The following SLC9A5 variants were observed in gnomAD, a reference collection of about 807,000 sequenced individuals.
SLC9A5 encodes the protein sodium/hydrogen exchanger 5.
A neutral mutation model predicts 91.7 loss-of-function variants in SLC9A5; 52 were observed. The observed-to-expected ratio is 0.57, with a 90% CI of 0.45 to 0.71. The LOEUF (loss-of-function observed/expected upper bound fraction) is 0.71, where lower values mean the gene tolerates loss of function less well. Among genes scored for constraint, SLC9A5 ranks in the 30% least tolerant of loss-of-function variants. The pLI is 0.00. For missense variants in SLC9A5, 871 were observed against 1,158.9 expected (o/e 0.75, Z 3.61); for synonymous variants, 419 against 474.5 (o/e 0.88, Z 1.52).
intron 12 of SLC9A5, among the ~76,000 whole-genome samples, chr16:67,260,377 A>AAAAAAAAAAAAAAAAC (rs2035492398): frequency 6.7e-6 from 1 of 150,158 alleles, no homozygotes; most frequent in African/African-American, 2.5e-5. Flanking sequence ...AAAAAAAAAA[A>AAAAAAAAAAAAAAAAC]GAGTGTGGGT....
At chr16:67,261,204 A>G (rs2035519622) in intron 12 of SLC9A5, 1 of 151,920 alleles carries the variant, frequency 6.6e-6, no homozygotes, top group African/African-American at 2.4e-5. Context: ...AGAACTTGCT[A>G]TTTCTCTTCC....
At chr16:67,269,902 G>A (rs1332217420) in intron 15 of SLC9A5, among the ~76,000 whole-genome samples, 2 of 152,156 alleles carry the variant, frequency 1.3e-5, no homozygotes, top group Admixed American at 1.3e-4. Flanking sequence ...CCCCTTTGCG[G>A]CAAAGCTCTG....
intron 15 of SLC9A5, among the ~76,000 whole-genome samples, chr16:67,266,469 T>G (rs375838430): frequency 2.6e-4 from 39 of 152,216 alleles, no homozygotes; most frequent in Admixed American, 2.0e-3. Flanking sequence ...CAGCATCACA[T>G]AGTAGAACCA....
chr16:67,265,718 T>C (rs1362564116), intron 14 of SLC9A5, among the ~76,000 whole-genome samples: 1 of 152,218 alleles, frequency 6.6e-6, no homozygotes, highest in Non-Finnish European at 1.5e-5. Flanking sequence ...CCACCGCACC[T>C]GGCTGCAAAG....
In SLC9A5 at chr16:67,270,695, C is replaced by A. The variant is rs769818688; in HGVS notation, c.2219-43C>A. On this transcript the variant is annotated intron_variant, in intron 15 of 15. Coordinates refer to ENST00000299798, the MANE Select transcript of SLC9A5 (RefSeq NM_004594.3). The surrounding 1 kb of genome is among the most constrained non-coding windows in gnomAD (Gnocchi z 4.3). Reference sequence around the variant, plus strand: ...AAGAATGTGCTTATACTTGAGATTTCCACTGTATTGGTAATGAGTTCATGT... The same window carrying A: ...AAGAATGTGCTTATACTTGAGATTTACACTGTATTGGTAATGAGTTCATGT... The A allele has an allele frequency of 7.6e-7, 1 of 1,316,848 alleles. No homozygotes were observed. The highest frequency in any genetic ancestry group is 1.4e-5 in the South Asian group (1 of 69,098). The allele number at this position is 1,316,848 out of a possible 1,614,324, so 81.6% of individuals were successfully genotyped here. A position where few individuals can be genotyped will look rare whatever the true frequency, so the allele number is the denominator to read the frequency against.
rs1015630992 is a variant in SLC9A5 at position 67,256,368 on chromosome 16, C to T, written c.912-101C>T. 2.0e-5 allele frequency: 16 copies of T among 798,684 alleles called. No individual in the cohort carries two copies. Among genetic ancestry groups the T allele is most frequent in the Non-Finnish European group, 3.2e-5 (15 of 473,838 alleles). The allele number at this position is 798,684 out of a possible 1,614,324, so 49.5% of individuals were successfully genotyped here. On this transcript the variant is annotated intron_variant, in intron 5 of 15. Transcript: ENST00000299798. This position sits in a 1 kb window ranked among gnomAD's most constrained non-coding sequence, Gnocchi z 4.1. Reference sequence around the variant, plus strand: ...GGCTTCAGCTCTGAGAGTCTGACATCCTGTAATGGGCAATGCCCCCTCCTG... The same window carrying T: ...GGCTTCAGCTCTGAGAGTCTGACATTCTGTAATGGGCAATGCCCCCTCCTG...
chr16:67,271,046 C>T lies in SLC9A5; in HGVS notation c.2527C>T (p.Pro843Ser). The change falls in exon 16 of 16, where the codon CCG (proline) becomes TCG (serine). Residue 843 changes from proline (P) to serine (S), a missense_variant. Coordinates refer to ENST00000299798, the MANE Select transcript of SLC9A5 (RefSeq NM_004594.3). ...TCCACGCTCTAGCTTCGCCTTCCCA[C>T]CGAGCCTGGCCAAGGCTGGCCGCTC... ...SDPRSSFAFP[P>S]SLAKAGRSRS... 1 of 1,612,316 alleles carries T rather than the reference C, an allele frequency of 6.2e-7. No homozygotes were observed. The highest frequency in any genetic ancestry group is 8.5e-7 in the Non-Finnish European group (1 of 1,178,710).
chr16:67,269,362 G>A (rs2035845066), intron 15 of SLC9A5, among the ~76,000 whole-genome samples: 1 of 152,132 alleles, frequency 6.6e-6, no homozygotes, highest in African/African-American at 2.4e-5. Context: ...AACCTGAGAG[G>A]TGGAGACTGC....
rs1450904255 is a variant in SLC9A5, at chr16:67,257,294, GC to G, written c.1336-50del. On this transcript the variant is annotated intron_variant, in intron 7 of 15. Coordinates refer to ENST00000299798, the MANE Select transcript of SLC9A5 (RefSeq NM_004594.3). The surrounding 1 kb of genome is among the most constrained non-coding windows in gnomAD (Gnocchi z 5.1). The stretch of plus-strand genomic sequence containing the variant: ...GCCTCATTACGGGGAGAGAAAGGCA[GC>G]AGGGAACTGAATAGGAATAGGGCAG... The G allele has an allele frequency of 1.3e-6, 2 of 1,508,516 alleles. No homozygotes were observed. The highest frequency in any genetic ancestry group is 1.8e-6 in the Non-Finnish European group (2 of 1,084,626). 93.4% of individuals were successfully genotyped at this position (1,508,516 alleles called of 1,614,324 possible). A position where few individuals can be genotyped will look rare whatever the true frequency, so the allele number is the denominator to read the frequency against.
At chr16:67,267,964 C>G (rs564747232) in intron 15 of SLC9A5, among the ~76,000 whole-genome samples, 1 of 152,244 alleles carries the variant, frequency 6.6e-6, no homozygotes, top group Non-Finnish European at 1.5e-5. Context: ...TCTCAAATAT[C>G]ATATCACTTT....
intron 13 of SLC9A5, 144 bp downstream of exon 13, chr16:67,264,666 C>A: frequency 1.3e-6 from 1 of 782,854 alleles, no homozygotes; most frequent in Non-Finnish European, 2.1e-6. Flanking sequence ...GTTTGGGTTC[C>A]CTTTTAGATG....
At position 67,255,989 on chromosome 16, in the gene SLC9A5, C is replaced by A; in HGVS notation, c.911+59C>A. On this transcript the variant is annotated intron_variant, in intron 5 of 15. Coordinates refer to ENST00000299798, the MANE Select transcript of SLC9A5 (RefSeq NM_004594.3). The surrounding 1 kb of genome is among the most constrained non-coding windows in gnomAD (Gnocchi z 4.9). Reference sequence around the variant, plus strand: ...GGAGGGGGCACTGGAGATGGTTGCCCCTCATAGGGACACAGGCAGGAACTT... The same window carrying A: ...GGAGGGGGCACTGGAGATGGTTGCCACTCATAGGGACACAGGCAGGAACTT... 6.4e-7 allele frequency: 1 copy of A among 1,561,264 alleles called. No homozygotes were observed. The highest frequency in any genetic ancestry group is 8.7e-7 in the Non-Finnish European group (1 of 1,146,328).
At position 67,257,371 on chromosome 16, in the gene SLC9A5, A is replaced by G. The variant is rs1383945104; in HGVS notation, c.1362A>G (p.Lys454=). The change falls in exon 8 of 16, where the codon AAA becomes AAG. Residue 454 remains lysine (K), a synonymous_variant. Coordinates refer to ENST00000299798, the MANE Select transcript of SLC9A5 (RefSeq NM_004594.3). This position sits in a 1 kb window ranked among gnomAD's most constrained non-coding sequence, Gnocchi z 5.1. ...VQGLTIKPLV[K]WLKVKRSEHH... ...GCTTGACCATCAAGCCACTGGTCAAATGGCTGAAGGTGAAGAGGAGTGAGC... is the reference window on the plus strand; with the variant it reads ...GCTTGACCATCAAGCCACTGGTCAAGTGGCTGAAGGTGAAGAGGAGTGAGC... The G allele has an allele frequency of 6.2e-7, 1 of 1,614,154 alleles. No individual in the cohort carries two copies. The highest frequency in any genetic ancestry group is 2.2e-5 in the East Asian group (1 of 44,890).
intron 12 of SLC9A5, chr16:67,261,835 A>G (rs2035540199): frequency 6.5e-6 from 1 of 152,934 alleles, no homozygotes; most frequent in African/African-American, 2.4e-5. Context: ...TGGTTGTTAA[A>G]TCTAGAGGCC....
chr16:67,249,410 T>C (rs138822520), intron 1 of SLC9A5, among the ~76,000 whole-genome samples: 1 of 152,292 alleles, frequency 6.6e-6, no homozygotes, highest in Non-Finnish European at 1.5e-5. Flanking sequence ...GCTCTGAGGA[T>C]TTGCCTTTCT....
intron 2 of SLC9A5, among the ~76,000 whole-genome samples, chr16:67,253,510 G>A (rs944706459): frequency 3.3e-5 from 5 of 151,960 alleles, no homozygotes; most frequent in African/African-American, 7.3e-5. Flanking sequence ...GAAGAGGTCC[G>A]TGTTTGTTGT....
intron 15 of SLC9A5, 95 bp downstream of exon 15, chr16:67,266,320 A>C (rs2035703229): frequency 8.0e-7 from 1 of 1,248,254 alleles, no homozygotes; most frequent in African/African-American, 1.6e-5. Context: ...CCCTTTTCCT[A>C]TTCACTAGTT....
At chr16:67,254,716 G>A (rs923912160) in intron 2 of SLC9A5, among the ~76,000 whole-genome samples, 6 of 152,196 alleles carry the variant, frequency 3.9e-5, no homozygotes, top group Admixed American at 3.3e-4. Context: ...TATTCCAAAT[G>A]GCTGGGTTGA....
In SLC9A5 at chr16:67,271,016, T is replaced by G; in HGVS notation, c.2497T>G (p.Ser833Ala). 6.2e-7 allele frequency: 1 copy of G among 1,613,742 alleles called. No homozygotes were observed. Among genetic ancestry groups the G allele is most frequent in the Non-Finnish European group, 8.5e-7 (1 of 1,179,772 alleles). The change falls in exon 16 of 16, where the codon TCT (serine) becomes GCT (alanine). Residue 833 changes from serine (S) to alanine (A), a missense_variant. Coordinates refer to ENST00000299798, the MANE Select transcript of SLC9A5 (RefSeq NM_004594.3). ...GCCCCAGGTCCCTCTCCACCTACCT[T>G]CTGATCCACGCTCTAGCTTCGCCTT... ...EEPQVPLHLP[S>A]DPRSSFAFPP...
Sources: allele counts gnomAD v4.1 joint callset (sites outside exome capture counted in the v4.1 genomes callset), GRCh38; gene constraint gnomAD v4.1.1; non-coding constraint Gnocchi (gnomAD v3.1); transcripts MANE v1.5; gene names NCBI Gene and HGNC (gene_info 2026-07-23, HGNC 2026-07-21).